Variants in PCDH15 observed in about 807,000 individuals in gnomAD.
PCDH15 encodes the protein protocadherin related 15.
In PCDH15, 129 loss-of-function variants were observed where a neutral mutation model predicts 178.5. The ratio of observed to expected loss-of-function variants is 0.72; its 90% CI spans 0.63 to 0.84. The LOEUF is 0.84. PCDH15 is among the 40% of genes least tolerant of loss of function. PCDH15 has a pLI of 0.00. For missense variants in PCDH15, 2,230 were observed against 2,099.9 expected (o/e 1.06, Z -1.21); for synonymous variants, 800 against 732.0 (o/e 1.09, Z -1.50).
chr10:55,392,334 C>A (rs1837813510), intron 2 of PCDH15, among the ~76,000 whole-genome samples: 1 of 152,124 alleles, frequency 6.6e-6, no homozygotes, highest in African/African-American at 2.4e-5. Context: ...GCAATAGTTG[C>A]AAAGTGCAAT....
At chr10:54,871,332 T>A (rs190648870) in intron 3 of PCDH15, among the ~76,000 whole-genome samples, 38 of 151,830 alleles carry the variant, frequency 2.5e-4, no homozygotes, top group South Asian at 2.5e-3. Context: ...TATATGAGAC[T>A]GTAGATAATG....
chr10:54,589,566 C>T (rs1361401533), intron 2 of PCDH15, among the ~76,000 whole-genome samples: 1 of 152,176 alleles, frequency 6.6e-6, no homozygotes, highest in Non-Finnish European at 1.5e-5. Context: ...CTATCAATGG[C>T]ATGTAGACTC....
At chr10:54,583,256 A>G (rs527318165) in intron 2 of PCDH15, among the ~76,000 whole-genome samples, 1 of 152,154 alleles carries the variant, frequency 6.6e-6, no homozygotes, top group African/African-American at 2.4e-5. Context: ...CAATTAACAA[A>G]TTTAATCCAA....
chr10:54,845,830 C>A (rs749844852), intron 3 of PCDH15, among the ~76,000 whole-genome samples: 2 of 151,974 alleles, frequency 1.3e-5, no homozygotes, highest in African/African-American at 2.4e-5. Context: ...TTTTGGAAGT[C>A]AAAATGACTG....
intron 1 of PCDH15, among the ~76,000 whole-genome samples, chr10:55,200,745 G>T (rs1840222132): frequency 6.6e-6 from 1 of 152,018 alleles, no homozygotes; most frequent in Non-Finnish European, 1.5e-5. Flanking sequence ...TTTCCTCCTT[G>T]CTGTTCTGAT....
At chr10:53,846,131 C>A (rs1373193589) in intron 28 of PCDH15, among the ~76,000 whole-genome samples, 6 of 151,588 alleles carry the variant, frequency 4.0e-5, no homozygotes, top group African/African-American at 1.5e-4. Context: ...ATTTAAAATG[C>A]AAATAGTACA....
chr10:54,688,022 AC>A, intron 1 of PCDH15, among the ~76,000 whole-genome samples: 1 of 152,260 alleles, frequency 6.6e-6, no homozygotes, highest in South Asian at 2.1e-4. Flanking sequence ...GATAGGTCTC[AC>A]GTTAAGCATT....
chr10:55,160,784 T>C (rs151174134), intron 2 of PCDH15, among the ~76,000 whole-genome samples: 33 of 152,222 alleles, frequency 2.2e-4, no homozygotes, highest in African/African-American at 7.7e-4. Flanking sequence ...CTAGCAGCAA[T>C]ACTTTCTCAT....
intron 3 of PCDH15, among the ~76,000 whole-genome samples, chr10:54,520,327 T>C (rs2138162390): frequency 6.6e-6 from 1 of 152,256 alleles, no homozygotes; most frequent in South Asian, 2.1e-4. Flanking sequence ...GACAAAGGGC[T>C]AATATCCAGA....
Position 55,061,247 on chromosome 10 carries a change from C to T in PCDH15, c.-80+105329G>A, listed in dbSNP as rs141685348. ...AGTAAGACATCCAATTTATAAAAAGCGAAAAACCTTAACACTTCACCAAGG... is the reference window on the plus strand; with the variant it reads ...AGTAAGACATCCAATTTATAAAAAGTGAAAAACCTTAACACTTCACCAAGG... On this transcript the variant is annotated intron_variant, in intron 2 of 5. Transcript: ENST00000458638. Among the ~76,000 whole-genome samples, 487 of 152,040 alleles carry T rather than the reference C, an allele frequency of 3.2e-3. 7 individuals carry two copies. Among genetic ancestry groups the T allele is most frequent in the African/African-American group, 0.011 (445 of 41,490 alleles).
intron 20 of PCDH15, among the ~76,000 whole-genome samples, chr10:53,999,828 A>T (rs748918191): frequency 3.3e-5 from 5 of 152,184 alleles, no homozygotes; most frequent in Non-Finnish European, 7.3e-5. Context: ...CCTGCTGATT[A>T]TAGAGACCCA....
chr10:54,424,996 C>T (rs1038555429), intron 3 of PCDH15, among the ~76,000 whole-genome samples: 5 of 141,164 alleles, frequency 3.5e-5, no homozygotes, highest in African/African-American at 1.1e-4. Context: ...TACCCTAGAA[C>T]TTAAAGTATA....
intron 1 of PCDH15, among the ~76,000 whole-genome samples, chr10:55,258,725 C>G (rs1417174067): frequency 1.4e-5 from 2 of 144,766 alleles, no homozygotes; most frequent in Non-Finnish European, 3.0e-5. Context: ...GTAACTGACC[C>G]AATAGTTTCA....
chr10:55,568,463 C>T (rs556668764), intron 2 of PCDH15, among the ~76,000 whole-genome samples: 9 of 151,600 alleles, frequency 5.9e-5, no homozygotes, highest in East Asian at 1.9e-4. Flanking sequence ...ACAATAATGA[C>T]GACTGAACAA....
intron 3 of PCDH15, among the ~76,000 whole-genome samples, chr10:54,870,284 G>A (rs1954013150): frequency 6.6e-6 from 1 of 152,146 alleles, no homozygotes; most frequent in Non-Finnish European, 1.5e-5. Flanking sequence ...ATGAGATTAT[G>A]ATTTATTGGG....
At chr10:55,567,679 C>T (rs1842329697) in intron 2 of PCDH15, among the ~76,000 whole-genome samples, 1 of 151,860 alleles carries the variant, frequency 6.6e-6, no homozygotes, top group African/African-American at 2.4e-5. Flanking sequence ...CAAATAAACA[C>T]TTGAAAACAT....
intron 13 of PCDH15, among the ~76,000 whole-genome samples, chr10:54,157,358 G>GAA (rs2045266026): frequency 3.3e-5 from 5 of 152,204 alleles, no homozygotes; most frequent in Admixed American, 2.6e-4. Flanking sequence ...TGCACCTGCA[G>GAA]GCTCAACACC....
At chr10:53,953,946 T>C (rs1428720989) in intron 23 of PCDH15, among the ~76,000 whole-genome samples, 1 of 152,076 alleles carries the variant, frequency 6.6e-6, no homozygotes. Flanking sequence ...CCCGCCACCA[T>C]GCCTGGCTAA....
At chr10:54,550,490 G>C (rs946687814) in intron 2 of PCDH15, among the ~76,000 whole-genome samples, 4 of 91,304 alleles carry the variant, frequency 4.4e-5, no homozygotes, top group Non-Finnish European at 6.4e-5. Context: ...GTATGTGTCT[G>C]TGTGTGTGTG....
Sources: allele counts gnomAD v4.1 joint callset (sites outside exome capture counted in the v4.1 genomes callset), GRCh38; gene constraint gnomAD v4.1.1; transcripts MANE v1.5; gene names NCBI Gene and HGNC (gene_info 2026-07-23, HGNC 2026-07-21).